The following RBFOX1 variants were observed in gnomAD, a reference collection of about 807,000 sequenced individuals.
RBFOX1 encodes RNA binding fox-1 homolog 1.
RBFOX1 carries 8 observed loss-of-function variants against 57.7 expected under a neutral mutation model. The ratio of observed to expected loss-of-function variants is 0.14; its 90% CI spans 0.08 to 0.25. The LOEUF (loss-of-function observed/expected upper bound fraction) is 0.25, where lower values mean the gene tolerates loss of function less well. Ranked by LOEUF, RBFOX1 falls within the 10% of genes least tolerant of loss-of-function variation. The probability of loss-of-function intolerance (pLI) is 1.00; values close to 1 mark genes in which losing one functional copy is unlikely to be tolerated. For missense variants in RBFOX1, 611 were observed against 548.5 expected, an observed-to-expected ratio of 1.11 and a Z score of -1.14; for synonymous variants, 326 against 222.4, an observed-to-expected ratio of 1.47 and a Z score of -4.15.
intron 2 of RBFOX1, among the ~76,000 whole-genome samples, chr16:6,391,176 A>G (rs2152932867): frequency 6.6e-6 from 1 of 152,282 alleles, no homozygotes; most frequent in Middle Eastern, 3.4e-3. Flanking sequence ...AGTTTATTCT[A>G]GGATCCATGG....
chr16:5,339,906 C>T (rs1233908346), intron 1 of RBFOX1, among the ~76,000 whole-genome samples: 3 of 152,004 alleles, frequency 2.0e-5, no homozygotes, highest in Non-Finnish European at 4.4e-5. Context: ...CATGGGAGGC[C>T]CGTTCCCAAA....
intron 1 of RBFOX1, among the ~76,000 whole-genome samples, chr16:6,021,086 C>T (rs1230745308): frequency 1.3e-5 from 2 of 152,156 alleles, no homozygotes; most frequent in Non-Finnish European, 2.9e-5. Context: ...CAATTGGCAC[C>T]CCAAAGGCGG....
intron 3 of RBFOX1, among the ~76,000 whole-genome samples, chr16:6,880,769 A>T (rs1392120635): frequency 2.0e-5 from 3 of 151,872 alleles, no homozygotes; most frequent in African/African-American, 7.3e-5. Flanking sequence ...TATTAAAATT[A>T]TTGTTATATT....
intron 4 of RBFOX1, among the ~76,000 whole-genome samples, chr16:7,170,652 C>T (rs549252117): frequency 6.6e-6 from 1 of 152,236 alleles, no homozygotes; most frequent in East Asian, 1.9e-4. Context: ...ATCTTTTAGC[C>T]CTAAGCTGTA....
chr16:6,470,124 G>A (rs1353780896), intron 2 of RBFOX1, among the ~76,000 whole-genome samples: 2 of 152,120 alleles, frequency 1.3e-5, no homozygotes, highest in Non-Finnish European at 2.9e-5. Context: ...TTAAAATAGA[G>A]TATATAGAAA....
chr16:6,940,237 C>T (rs1342647555), intron 3 of RBFOX1, among the ~76,000 whole-genome samples: 1 of 152,082 alleles, frequency 6.6e-6, no homozygotes, highest in Admixed American at 6.6e-5. Context: ...GGTAGGTTAC[C>T]TCTGGCTATC....
intron 3 of RBFOX1, among the ~76,000 whole-genome samples, chr16:5,664,064 G>C (rs947218192): frequency 3.3e-5 from 5 of 152,188 alleles, no homozygotes; most frequent in African/African-American, 1.2e-4. Context: ...GTCTTCTCTC[G>C]TAGAGACCCA....
intron 4 of RBFOX1, among the ~76,000 whole-genome samples, chr16:7,474,156 G>A (rs894280489): frequency 3.9e-5 from 6 of 152,078 alleles, no homozygotes; most frequent in African/African-American, 7.2e-5. Context: ...GCATGGTGGC[G>A]CATGCCTGTA....
At chr16:7,174,925 A>G (rs957469478) in intron 4 of RBFOX1, among the ~76,000 whole-genome samples, 3 of 152,100 alleles carry the variant, frequency 2.0e-5, no homozygotes, top group Non-Finnish European at 4.4e-5. Context: ...CTATCTTTCA[A>G]ATTACTGCCA....
intron 4 of RBFOX1, among the ~76,000 whole-genome samples, chr16:7,063,031 T>C (rs1228155578): frequency 2.0e-5 from 3 of 150,982 alleles, no homozygotes; most frequent in Non-Finnish European, 4.4e-5. Context: ...GCCAAGAGTT[T>C]GGTTAAAGGT....
At chr16:6,433,850 T>TC (rs1158021107) in intron 2 of RBFOX1, among the ~76,000 whole-genome samples, 6 of 76,088 alleles carry the variant, frequency 7.9e-5, no homozygotes, top group African/African-American at 3.3e-4. Context: ...ATTTTTCTTT[T>TC]TTTTTTTTTT....
chr16:7,684,588 G>T (rs1483447556), intron 14 of RBFOX1, among the ~76,000 whole-genome samples: 2 of 150,828 alleles, frequency 1.3e-5, no homozygotes, highest in African/African-American at 4.9e-5. Context: ...AGCTAAATCA[G>T]TGGTTCTAAC....
chr16:7,294,559 C>A (rs1220680457), intron 4 of RBFOX1, among the ~76,000 whole-genome samples: 1 of 150,130 alleles, frequency 6.7e-6, no homozygotes, highest in Non-Finnish European at 1.5e-5. Context: ...AGAATATTTT[C>A]TTTTGAAAAG....
chr16:6,941,041 C>G (rs999095074), intron 3 of RBFOX1, among the ~76,000 whole-genome samples: 6 of 151,860 alleles, frequency 4.0e-5, no homozygotes, highest in Non-Finnish European at 8.8e-5. Context: ...TGTATGGACG[C>G]CTATGTGCGT....
At chr16:6,401,486 G>A (rs770811583) in intron 2 of RBFOX1, among the ~76,000 whole-genome samples, 4 of 152,046 alleles carry the variant, frequency 2.6e-5, no homozygotes, top group South Asian at 4.2e-4. Context: ...TAAAACCTAC[G>A]CTAATTTGAA....
exon 3 of RBFOX1, chr16:5,599,024 C>T: frequency 1.5e-6 from 2 of 1,334,700 alleles, no homozygotes; most frequent in Non-Finnish European, 2.1e-6. Context: ...CCTTTTCAGC[C>T]TCTTTGGTCT....
At chr16:5,749,005 G>T (rs1033251460) in intron 3 of RBFOX1, among the ~76,000 whole-genome samples, 1 of 152,166 alleles carries the variant, frequency 6.6e-6, no homozygotes, top group Admixed American at 6.5e-5. Flanking sequence ...GCAGTGGCTG[G>T]TATCGGTTGT....
chr16:7,007,691 A>T (rs572553407), intron 3 of RBFOX1, among the ~76,000 whole-genome samples: 1 of 152,292 alleles, frequency 6.6e-6, no homozygotes, highest in African/African-American at 2.4e-5. Flanking sequence ...TTTTGCATGT[A>T]CTTTTGCTGC....
intron 4 of RBFOX1, among the ~76,000 whole-genome samples, chr16:7,398,579 G>A (rs1282519982): frequency 6.6e-6 from 1 of 152,230 alleles, no homozygotes; most frequent in East Asian, 1.9e-4. Context: ...TCCCCAGTGT[G>A]ACAAATGCCA....
Sources: gnomAD v4.1 joint callset for allele counts (sites outside exome capture counted in the v4.1 genomes callset) on GRCh38, gnomAD v4.1.1 for gene constraint, MANE v1.5 for transcripts, NCBI Gene and HGNC (gene_info 2026-07-23, HGNC 2026-07-21) for gene names.